The following XPR1 variants were observed in gnomAD, a reference collection of about 807,000 sequenced individuals.
XPR1 encodes the protein xenotropic and polytropic retrovirus receptor 1.
Under a neutral mutation model 87.5 loss-of-function variants are expected in XPR1, and 28 were observed. That is an observed-to-expected ratio of 0.32 (90% CI 0.24 to 0.44). The LOEUF is 0.44. Ranked by LOEUF, XPR1 falls within the 20% of genes least tolerant of loss-of-function variation. The pLI is 1.00. For synonymous variants in XPR1, 300 were observed against 306.1 expected (o/e 0.98, Z 0.21); for missense variants, 559 against 862.3 (o/e 0.65, Z 4.41).
At chr1:180,748,382 CTG>C (rs1225493008) in intron 2 of XPR1, among the ~76,000 whole-genome samples, 3 of 114,760 alleles carry the variant, frequency 2.6e-5, no homozygotes, top group South Asian at 3.2e-4. Context: ...TTTTGCTACT[CTG>C]TGTTATTATT....
chr1:180,854,235 A>G (rs1013999507), intron 11 of XPR1, among the ~76,000 whole-genome samples: 3 of 152,232 alleles, frequency 2.0e-5, no homozygotes, highest in Admixed American at 1.3e-4. Flanking sequence ...AAGGATTACA[A>G]TCTGCAGGTC....
chr1:180,679,117 C>G (rs965212120), intron 1 of XPR1, among the ~76,000 whole-genome samples: 4 of 152,118 alleles, frequency 2.6e-5, no homozygotes, highest in Non-Finnish European at 5.9e-5. Flanking sequence ...ATGGCGTGAA[C>G]CCAGGAGGCG....
chr1:180,704,266 ATATATATATATT>A (rs1031813003), intron 2 of XPR1, among the ~76,000 whole-genome samples: 5 of 139,902 alleles, frequency 3.6e-5, no homozygotes, highest in African/African-American at 1.0e-4. Context: ...ATATATATAT[ATATATATATATT>A]ATCAGATTAT....
chr1:180,737,508 G>A (rs573308387), intron 2 of XPR1, among the ~76,000 whole-genome samples: 33 of 152,168 alleles, frequency 2.2e-4, no homozygotes, highest in Middle Eastern at 3.4e-3. Context: ...ACAGTTTTAT[G>A]AATTTAAACA....
chr1:180,745,869 A>C (rs989619762), intron 2 of XPR1, among the ~76,000 whole-genome samples: 2 of 152,238 alleles, frequency 1.3e-5, no homozygotes, highest in Non-Finnish European at 2.9e-5. Flanking sequence ...ATTCACTGGG[A>C]GAGACAGGTG....
chr1:180,864,221 T>G (rs1254095576), intron 12 of XPR1, among the ~76,000 whole-genome samples: 2 of 152,200 alleles, frequency 1.3e-5, no homozygotes, highest in African/African-American at 4.8e-5. Flanking sequence ...GCCCTCAGTC[T>G]GAAACACTCT....
chr1:180,848,999 A>G (rs1651779556), intron 11 of XPR1, among the ~76,000 whole-genome samples: 2 of 152,164 alleles, frequency 1.3e-5, no homozygotes, highest in Non-Finnish European at 1.5e-5. Context: ...TTTTTTAAGA[A>G]AGAATATAAG....
At chr1:180,692,929 A>G (rs1657038593) in intron 2 of XPR1, among the ~76,000 whole-genome samples, 1 of 152,186 alleles carries the variant, frequency 6.6e-6, no homozygotes, top group Non-Finnish European at 1.5e-5. Flanking sequence ...ATGCATCTTT[A>G]GTGTTTAAAA....
chr1:180,677,652 A>G (rs1297841708), intron 1 of XPR1, among the ~76,000 whole-genome samples: 2 of 152,238 alleles, frequency 1.3e-5, no homozygotes, highest in Non-Finnish European at 2.9e-5. Flanking sequence ...CATGACTTCT[A>G]AACCATAATT....
chr1:180,780,098 T>A (rs1648879703), intron 2 of XPR1, among the ~76,000 whole-genome samples: 1 of 152,202 alleles, frequency 6.6e-6, no homozygotes, highest in Non-Finnish European at 1.5e-5. Flanking sequence ...CTTTTTGATA[T>A]TATAAATAAT....
chr1:180,858,512 T>TTC (rs1487229525), intron 11 of XPR1, among the ~76,000 whole-genome samples: 1 of 152,228 alleles, frequency 6.6e-6, no homozygotes, highest in Non-Finnish European at 1.5e-5. Context: ...TGAGATGGAC[T>TTC]TAGAGAAGCA....
chr1:180,735,878 A>G (rs978458455), intron 2 of XPR1, among the ~76,000 whole-genome samples: 16 of 152,098 alleles, frequency 1.1e-4, no homozygotes, highest in Admixed American at 7.2e-4. Flanking sequence ...ACTGAGATGG[A>G]TGGTCACATA....
chr1:180,758,112 G>C (rs1293351733), intron 2 of XPR1, among the ~76,000 whole-genome samples: 3 of 65,082 alleles, frequency 4.6e-5, no homozygotes, highest in Non-Finnish European at 1.1e-4. Flanking sequence ...CATATAGAAG[G>C]ATACACACAC....
intron 13 of XPR1, among the ~76,000 whole-genome samples, chr1:180,877,695 T>A (rs1399318198): frequency 1.3e-5 from 2 of 152,206 alleles, no homozygotes; most frequent in Non-Finnish European, 2.9e-5. Flanking sequence ...GTACATTTTT[T>A]ATTTGCATAC....
chr1:180,779,062 C>G (rs192878221), intron 2 of XPR1, among the ~76,000 whole-genome samples: 28 of 152,256 alleles, frequency 1.8e-4, no homozygotes, highest in African/African-American at 6.5e-4. Flanking sequence ...TTCTAACATG[C>G]TGTTCCCTCT....
chr1:180,797,097 A>C (rs1475534532), intron 3 of XPR1, among the ~76,000 whole-genome samples: 2 of 152,230 alleles, frequency 1.3e-5, no homozygotes, highest in African/African-American at 4.8e-5. Flanking sequence ...TGATGATTGC[A>C]CAACTCTATA....
intron 1 of XPR1, among the ~76,000 whole-genome samples, chr1:180,676,807 G>A (rs958674300): frequency 2.6e-5 from 4 of 152,262 alleles, no homozygotes; most frequent in African/African-American, 4.8e-5. Context: ...AAACATGTTT[G>A]TATGTTGAAT....
At chr1:180,814,404 A>C (rs1018368748) in intron 7 of XPR1, among the ~76,000 whole-genome samples, 15 of 152,216 alleles carry the variant, frequency 9.9e-5, no homozygotes, top group Non-Finnish European at 7.4e-5. Flanking sequence ...TTAAAAACTC[A>C]GATCTATGTT....
intron 2 of XPR1, among the ~76,000 whole-genome samples, chr1:180,784,317 C>T (rs898476141): frequency 6.6e-6 from 1 of 151,954 alleles, no homozygotes; most frequent in Admixed American, 6.6e-5. Flanking sequence ...AAAAAAGTTG[C>T]ATTTATATGA....
Sources: allele counts gnomAD v4.1 joint callset (sites outside exome capture counted in the v4.1 genomes callset), GRCh38; gene constraint gnomAD v4.1.1; transcripts MANE v1.5; gene names NCBI Gene and HGNC (gene_info 2026-07-23, HGNC 2026-07-21).